Variants in HOGA1 observed in about 807,000 individuals in gnomAD.
The protein encoded by HOGA1 is 4-hydroxy-2-oxoglutarate aldolase, mitochondrial.
HOGA1 carries 30 observed loss-of-function variants against 34.3 expected under a neutral mutation model. That is an observed-to-expected ratio of 0.87 (90% CI 0.65 to 1.19). HOGA1 has a LOEUF of 1.19. HOGA1 is among the 50% of genes most tolerant of loss of function. The pLI is 0.00. For synonymous variants in HOGA1, 161 were observed against 174.0 expected (o/e 0.93, Z 0.59); for missense variants, 417 against 436.5 (o/e 0.96, Z 0.40).
At chr10:97,590,788 G>A in intron 1 of HOGA1, 1 of 612,334 alleles carries the variant, frequency 1.6e-6, no homozygotes, top group South Asian at 2.1e-5. Flanking sequence ...GGCCCCTGTT[G>A]GAGGGAGAGC....
In HOGA1 at chr10:97,611,615, G is replaced by T. The variant is rs769474578; in HGVS notation, c.940G>T (p.Glu314Ter). The change falls in exon 7 of 7, where the codon GAG becomes TAG. Residue 314 changes from glutamate (E) to a stop codon, truncating the protein, a stop_gained. Coordinates refer to ENST00000370646, the MANE Select transcript of HOGA1 (RefSeq NM_138413.4). LOFTEE classifies it high-confidence loss of function. ...APLQELSPAE[E>*]EALRMDFTSN... ...CTTGCAGGAGCTGAGCCCCGCTGAGGAGGAGGCACTGCGCATGGATTTCAC... is the reference window on the plus strand; with the variant it reads ...CTTGCAGGAGCTGAGCCCCGCTGAGTAGGAGGCACTGCGCATGGATTTCAC... The T allele has an allele frequency of 6.2e-7, 1 of 1,614,072 alleles. No individual in the cohort carries two copies.
At chr10:97,592,692 C>T (rs2041036419) in intron 1 of HOGA1, among the ~76,000 whole-genome samples, 1 of 152,010 alleles carries the variant, frequency 6.6e-6, no homozygotes, top group Non-Finnish European at 1.5e-5. Context: ...CTGTAAGCAG[C>T]TAACTCAAAT....
chr10:97,610,690 C>T (rs550026554), intron 6 of HOGA1, among the ~76,000 whole-genome samples: 1 of 152,152 alleles, frequency 6.6e-6, no homozygotes, highest in East Asian at 1.9e-4. Flanking sequence ...ATCTCAGCTA[C>T]TCAGGAGGCT....
Position 97,599,777 on chromosome 10 carries a change from A to G in HOGA1, c.566A>G (p.His189Arg). ...PVDAVVTLSQ[H>R]PNIVGMKDSG... Reference sequence around the variant, plus strand: ...GATGCAGTGGTCACGCTTTCCCAGCACCCGAATATTGTGGGCATGAAGGAC... The same window carrying G: ...GATGCAGTGGTCACGCTTTCCCAGCGCCCGAATATTGTGGGCATGAAGGAC... The change falls in exon 4 of 7, where the codon CAC becomes CGC. Residue 189 changes from histidine (H) to arginine (R), a missense_variant. Physicochemically the swap from His to Arg is conservative, Grantham distance 29. Transcript: ENST00000370646. The G allele has an allele frequency of 6.2e-7, 1 of 1,614,122 alleles. No homozygotes were observed. The highest frequency in any genetic ancestry group is 1.1e-5 in the South Asian group (1 of 91,076).
Position 97,584,909 on chromosome 10 carries a change from T to G in HOGA1, c.206T>G (p.Phe69Cys). 1 of 1,613,966 alleles carries G rather than the reference T, an allele frequency of 6.2e-7. No individual in the cohort carries two copies. Among genetic ancestry groups the G allele is most frequent in the Non-Finnish European group, 8.5e-7 (1 of 1,179,934 alleles). Residue 69 changes from phenylalanine to cysteine, a missense_variant, in exon 1 of 7, where the codon TTC becomes TGC. Physicochemically the swap from Phe to Cys is radical, Grantham distance 205. Coordinates refer to ENST00000370646, the MANE Select transcript of HOGA1 (RefSeq NM_138413.4). ...ENLHKLGTFP[F>C]RGFVVQGSNG... ...CTGCACAAACTGGGCACCTTCCCCT[T>G]CCGAGGTAAGTGGGGCTGTCCTCTG...
intron 1 of HOGA1, 72 bp from the exon 2 acceptor site, chr10:97,598,703 A>T: frequency 6.4e-7 from 1 of 1,565,636 alleles, no homozygotes; most frequent in Non-Finnish European, 8.8e-7. Flanking sequence ...ATGGTGTCGT[A>T]AGGTAGGAAC....
intron 1 of HOGA1, among the ~76,000 whole-genome samples, chr10:97,595,894 T>C (rs1285985536): frequency 1.3e-5 from 2 of 152,104 alleles, no homozygotes; most frequent in Non-Finnish European, 2.9e-5. Context: ...CTCTCTACAC[T>C]AACAGGGACA....
Position 97,584,532 on chromosome 10 carries a change from C to T in HOGA1, c.-172C>T. 1 of 638,572 alleles carries T rather than the reference C, an allele frequency of 1.6e-6. No homozygotes were observed. The allele number at this position is 638,572 out of a possible 1,614,324, so 39.6% of individuals were successfully genotyped here. A position where few individuals can be genotyped will look rare whatever the true frequency, so the allele number is the denominator to read the frequency against. ...AACAGGGCCCCCTGGGGCCTATAGG[C>T]CTTGCCCCTGACCCTGGGAACACCC... is the stretch of plus-strand genomic sequence containing the variant. On this transcript the variant is annotated 5_prime_UTR_variant, in exon 1 of 7. Coordinates refer to ENST00000370646, the MANE Select transcript of HOGA1 (RefSeq NM_138413.4).
chr10:97,585,286 C>T (rs193196090), intron 1 of HOGA1, among the ~76,000 whole-genome samples: 3 of 152,140 alleles, frequency 2.0e-5, no homozygotes, highest in Non-Finnish European at 2.9e-5. Context: ...GGCAGCCCAG[C>T]CACAGTCCCA....
chr10:97,606,437 CTT>C (rs1459311409), intron 6 of HOGA1, among the ~76,000 whole-genome samples: 4 of 152,102 alleles, frequency 2.6e-5, no homozygotes, highest in Non-Finnish European at 5.9e-5. Context: ...AAGTGTAAGA[CTT>C]AGGTCAAGGT....
rs75795419 is a variant in HOGA1 at position 97,592,699 on chromosome 10, A to G, written c.212-6076A>G. On this transcript the variant is annotated intron_variant, in intron 1 of 6. Coordinates refer to ENST00000370646, the MANE Select transcript of HOGA1 (RefSeq NM_138413.4). ...AAAATGACCTGTAAGCAGCTAACTC[A>G]AATATATACTCTTGGTAAGAATATT... Among the ~76,000 whole-genome samples the G allele has an allele frequency of 3.5e-3, 532 of 152,270 alleles. 8 individuals are homozygous for G. Among genetic ancestry groups the G allele is most frequent in the African/African-American group, 0.012 (516 of 41,548 alleles).
chr10:97,611,166 A>AC (rs1162827379), intron 6 of HOGA1, among the ~76,000 whole-genome samples: 1 of 152,136 alleles, frequency 6.6e-6, no homozygotes, highest in Non-Finnish European at 1.5e-5. Context: ...TGGGCTGCAG[A>AC]CTGCTGATGC....
intron 1 of HOGA1, chr10:97,590,158 C>T (rs370594513): frequency 6.4e-5 from 104 of 1,614,046 alleles, no homozygotes; most frequent in Middle Eastern, 1.6e-4. Context: ...AAGTGGGCTC[C>T]GCTCTGCACC....
At chr10:97,590,209 A>G in intron 1 of HOGA1, 6 of 1,613,940 alleles carry the variant, frequency 3.7e-6, no homozygotes, top group Non-Finnish European at 5.1e-6. Flanking sequence ...CTGGGCCCTC[A>G]GTGATCCAAG....
At chr10:97,597,898 C>T (rs905628955) in intron 1 of HOGA1, among the ~76,000 whole-genome samples, 4 of 152,104 alleles carry the variant, frequency 2.6e-5, no homozygotes, top group South Asian at 2.1e-4. Flanking sequence ...TGCCGTGAGC[C>T]GTGATTGTGA....
chr10:97,611,325 T>TA (rs1489989378), intron 6 of HOGA1, among the ~76,000 whole-genome samples, 185 bp from the exon 7 acceptor site: 2 of 152,232 alleles, frequency 1.3e-5, no homozygotes, highest in East Asian at 3.8e-4. Flanking sequence ...ATTTTGCTAT[T>TA]ACAGACCTGC....
intron 1 of HOGA1, chr10:97,589,657 A>G (rs77171444): frequency 0.03 from 14,799 of 499,232 alleles, 458 homozygotes; most frequent in Admixed American, 0.08. Context: ...CTTCCTCACA[A>G]TGGGGTTCAT....
At chr10:97,610,744 G>A (rs1416879951) in intron 6 of HOGA1, among the ~76,000 whole-genome samples, 1 of 152,088 alleles carries the variant, frequency 6.6e-6, no homozygotes, top group Non-Finnish European at 1.5e-5. Flanking sequence ...AGATTGCAAT[G>A]AGCTGAGATC....
chr10:97,606,535 G>A lies in HOGA1; in HGVS notation c.834+4545G>A, dbSNP rs572687209. Among the ~76,000 whole-genome samples the A allele has an allele frequency of 4.2e-3, 632 of 152,022 alleles. 1 individual carries two copies. Among genetic ancestry groups the A allele is most frequent in the Non-Finnish European group, 6.6e-3 (450 of 68,008 alleles). The stretch of plus-strand genomic sequence containing the variant: ...ATCTTTCCTCCATTGAACTGCTTGC[G>A]TGCCTTTGTCAAAAATCAGTGGGGC... On this transcript the variant is annotated intron_variant, in intron 6 of 6. Transcript: ENST00000370646.
Sources: allele counts gnomAD v4.1 joint callset (sites outside exome capture counted in the v4.1 genomes callset), GRCh38; gene constraint gnomAD v4.1.1; transcripts MANE v1.5; gene names NCBI Gene and HGNC (gene_info 2026-07-23, HGNC 2026-07-21).